BMP6: variants seen among roughly 807,000 people sequenced by gnomAD.
BMP6 encodes VG-1-R.
BMP6 carries 17 observed loss-of-function variants against 54.1 expected under a neutral mutation model. The observed-to-expected ratio is 0.31, with a 90% CI of 0.22 to 0.47. The LOEUF (loss-of-function observed/expected upper bound fraction) is 0.47. BMP6 is among the 20% of genes least tolerant of loss of function. The pLI is 1.00. For synonymous variants in BMP6, 328 were observed against 291.2 expected (o/e 1.13, Z -1.28); for missense variants, 720 against 690.4 (o/e 1.04, Z -0.48).
At chr6:7,855,136 T>G (rs1407757541) in intron 2 of BMP6, among the ~76,000 whole-genome samples, 1 of 152,230 alleles carries the variant, frequency 6.6e-6, no homozygotes, top group East Asian at 1.9e-4. Flanking sequence ...TGGTTTGCAC[T>G]GTTTTAGGGA....
chr6:7,878,926 G>C (rs553075451), intron 4 of BMP6, 148 bp from the exon 5 acceptor site: 1 of 771,898 alleles, frequency 1.3e-6, no homozygotes, highest in Admixed American at 2.1e-5. Context: ...TCAGGAACCT[G>C]ATGTAGCTGT....
intron 4 of BMP6, among the ~76,000 whole-genome samples, chr6:7,870,811 T>C (rs1291867233): frequency 6.6e-6 from 1 of 152,308 alleles, no homozygotes; most frequent in Non-Finnish European, 1.5e-5. Context: ...GTATTTTTAG[T>C]AGAGACAGGG....
chr6:7,751,393 T>G (rs1757423220), intron 1 of BMP6, among the ~76,000 whole-genome samples: 1 of 152,180 alleles, frequency 6.6e-6, no homozygotes. Context: ...ATAAAAGCAA[T>G]TTTGTTAAGA....
chr6:7,867,102 C>T (rs1194529606), intron 4 of BMP6, among the ~76,000 whole-genome samples: 2 of 152,168 alleles, frequency 1.3e-5, no homozygotes, highest in Non-Finnish European at 2.9e-5. Flanking sequence ...AAACTCCTGA[C>T]CTCAAGTGAT....
At chr6:7,830,635 G>C (rs1474965912) in intron 1 of BMP6, among the ~76,000 whole-genome samples, 4 of 152,226 alleles carry the variant, frequency 2.6e-5, no homozygotes, top group Admixed American at 6.5e-5. Context: ...CAAAGAAAAA[G>C]AGGTTTAATG....
At chr6:7,876,036 C>A (rs115939583) in intron 4 of BMP6, among the ~76,000 whole-genome samples, 89 of 152,206 alleles carry the variant, frequency 5.8e-4, no homozygotes, top group African/African-American at 1.7e-3. Context: ...TGCTAGGGGA[C>A]AAAGAGGGGA....
At chr6:7,749,452 T>C (rs951536386) in intron 1 of BMP6, among the ~76,000 whole-genome samples, 1 of 152,190 alleles carries the variant, frequency 6.6e-6, no homozygotes, top group Non-Finnish European at 1.5e-5. Context: ...CATAAAATGG[T>C]ATTTCTATAA....
chr6:7,775,933 A>G (rs1186267557), intron 1 of BMP6, among the ~76,000 whole-genome samples: 1 of 152,142 alleles, frequency 6.6e-6, no homozygotes, highest in Non-Finnish European at 1.5e-5. Context: ...TTTACTTCGC[A>G]CTCATTCTAC....
At chr6:7,786,606 C>T (rs547304800) in intron 1 of BMP6, among the ~76,000 whole-genome samples, 9 of 152,148 alleles carry the variant, frequency 5.9e-5, no homozygotes, top group African/African-American at 2.2e-4. Flanking sequence ...AGGCCATCGA[C>T]TTAGCTGTTC....
intron 1 of BMP6, among the ~76,000 whole-genome samples, chr6:7,782,782 A>C (rs1757966000): frequency 6.6e-6 from 1 of 152,212 alleles, no homozygotes; most frequent in South Asian, 2.1e-4. Context: ...GAGACAGCCC[A>C]GGACTGAGTT....
At chr6:7,731,388 A>G (rs1761855178) in intron 1 of BMP6, among the ~76,000 whole-genome samples, 1 of 152,210 alleles carries the variant, frequency 6.6e-6, no homozygotes, top group Non-Finnish European at 1.5e-5. Flanking sequence ...TCATGCCTCC[A>G]TCCCACCCAC....
intron 1 of BMP6, among the ~76,000 whole-genome samples, chr6:7,841,004 T>G (rs1344003198): frequency 1.3e-5 from 2 of 152,164 alleles, no homozygotes; most frequent in Non-Finnish European, 2.9e-5. Flanking sequence ...AAAGACATAC[T>G]CCAAGCTCCG....
At chr6:7,873,983 A>G (rs1759567974) in intron 4 of BMP6, among the ~76,000 whole-genome samples, 1 of 152,056 alleles carries the variant, frequency 6.6e-6, no homozygotes, top group Non-Finnish European at 1.5e-5. Context: ...GGAAAATCCC[A>G]GGCTAAGACT....
intron 1 of BMP6, among the ~76,000 whole-genome samples, chr6:7,733,825 A>G (rs1207640763): frequency 6.6e-6 from 1 of 152,182 alleles, no homozygotes; most frequent in East Asian, 1.9e-4. Context: ...CCTGGAATAT[A>G]TGAAAGTGGT....
At chr6:7,870,259 G>C (rs1581289869) in intron 4 of BMP6, among the ~76,000 whole-genome samples, 1 of 152,196 alleles carries the variant, frequency 6.6e-6, no homozygotes, top group African/African-American at 2.4e-5. Context: ...TTCTGGATTG[G>C]AACACCCCGG....
At chr6:7,730,447 TG>T (rs1202457794) in intron 1 of BMP6, among the ~76,000 whole-genome samples, 1 of 152,204 alleles carries the variant, frequency 6.6e-6, no homozygotes, top group African/African-American at 2.4e-5. Flanking sequence ...TTCCTATCAC[TG>T]GGCTCCTTGT....
chr6:7,832,706 T>A (rs1035133920), intron 1 of BMP6, among the ~76,000 whole-genome samples: 14 of 149,814 alleles, frequency 9.3e-5, no homozygotes, highest in Middle Eastern at 3.4e-3. Context: ...AGAACACTGA[T>A]GTACCTACCC....
At chr6:7,795,977 A>C (rs868080755) in intron 1 of BMP6, among the ~76,000 whole-genome samples, 1 of 152,196 alleles carries the variant, frequency 6.6e-6, no homozygotes, top group South Asian at 2.1e-4. Context: ...GGGAGATAGC[A>C]AGTACGCAGT....
intron 1 of BMP6, among the ~76,000 whole-genome samples, chr6:7,772,733 C>T (rs149477598): frequency 6.6e-6 from 1 of 152,284 alleles, no homozygotes; most frequent in Non-Finnish European, 1.5e-5. Flanking sequence ...AGTCTCCTCT[C>T]CCCCTGGACA....
Sources: allele counts gnomAD v4.1 joint callset (sites outside exome capture counted in the v4.1 genomes callset), GRCh38; gene constraint gnomAD v4.1.1; transcripts MANE v1.5; gene names NCBI Gene and HGNC (gene_info 2026-07-23, HGNC 2026-07-21).